Variants in TMEM132B observed in about 807,000 individuals in gnomAD.
TMEM132B encodes transmembrane protein 132B.
A neutral mutation model predicts 90.8 loss-of-function variants in TMEM132B; 18 were observed. The observed-to-expected ratio is 0.20, with a 90% confidence interval of 0.14 to 0.29. The LOEUF (loss-of-function observed/expected upper bound fraction) is 0.29, where lower values mean the gene tolerates loss of function less well. TMEM132B is among the 10% of genes least tolerant of loss of function. The pLI is 1.00. For synonymous variants in TMEM132B, 504 were observed against 523.3 expected (o/e 0.96, Z 0.50); for missense variants, 1,096 against 1,326.8 (o/e 0.83, Z 2.70).
intron 1 of TMEM132B, among the ~76,000 whole-genome samples, chr12:125,304,907 T>C (rs1875921939): frequency 2.0e-5 from 3 of 152,202 alleles, no homozygotes; most frequent in African/African-American, 7.2e-5. Context: ...TGACACATTC[T>C]TAGCATAGCA....
intron 1 of TMEM132B, among the ~76,000 whole-genome samples, chr12:125,206,905 G>A (rs906504050): frequency 2.6e-5 from 4 of 152,206 alleles, no homozygotes; most frequent in African/African-American, 9.7e-5. Context: ...TAACAGTGGT[G>A]AAAATGCAAT....
intron 1 of TMEM132B, among the ~76,000 whole-genome samples, chr12:125,226,815 A>G (rs565500635): frequency 6.6e-6 from 1 of 152,292 alleles, no homozygotes; most frequent in Admixed American, 6.5e-5. Context: ...GGGAAAATCA[A>G]TCTCACCAGG....
intron 1 of TMEM132B, among the ~76,000 whole-genome samples, chr12:125,223,789 A>T (rs1398028124): frequency 6.6e-6 from 1 of 150,472 alleles, no homozygotes; most frequent in Non-Finnish European, 1.5e-5. Flanking sequence ...ACTTTGTATA[A>T]TATTTTTTTT....
chr12:125,504,939 A>G (rs544054379), intron 3 of TMEM132B, among the ~76,000 whole-genome samples: 91 of 152,148 alleles, frequency 6.0e-4, no homozygotes, highest in African/African-American at 2.2e-3. Flanking sequence ...TCTGTATACA[A>G]TCTCTGCCCA....
chr12:125,204,982 T>G (rs1593040636), intron 1 of TMEM132B, among the ~76,000 whole-genome samples: 1 of 107,520 alleles, frequency 9.3e-6, no homozygotes, highest in Non-Finnish European at 1.9e-5. Flanking sequence ...TACCAGGCAC[T>G]GTGCTTAGCT....
intron 6 of TMEM132B, among the ~76,000 whole-genome samples, chr12:125,645,765 G>A (rs1269556200): frequency 6.6e-6 from 1 of 152,176 alleles, no homozygotes; most frequent in Non-Finnish European, 1.5e-5. Context: ...GAGTGTGTTG[G>A]TGTGGGCATT....
chr12:125,487,734 G>A (rs1882238736), intron 3 of TMEM132B, among the ~76,000 whole-genome samples: 1 of 152,154 alleles, frequency 6.6e-6, no homozygotes, highest in African/African-American at 2.4e-5. Flanking sequence ...GAAATGGCGA[G>A]GTGAACATCG....
At chr12:125,317,004 C>G (rs140535712) in intron 1 of TMEM132B, among the ~76,000 whole-genome samples, 2 of 152,294 alleles carry the variant, frequency 1.3e-5, no homozygotes, top group East Asian at 3.9e-4. Flanking sequence ...ACCTCTTGTT[C>G]CTGGCAGGGT....
chr12:125,275,449 C>T (rs1874962589), intron 1 of TMEM132B, among the ~76,000 whole-genome samples: 1 of 152,132 alleles, frequency 6.6e-6, no homozygotes, highest in Non-Finnish European at 1.5e-5. Context: ...GTCCCTTGCC[C>T]TTGATGGAGA....
Position 125,505,187 on chromosome 12 carries a change from A to AAAC in TMEM132B, c.1107-14250_1107-14249insCAA, listed in dbSNP as rs1555254115. ...AGGACAAAAAAAAAAAAAAAAAAAA[A>AAAC]AAAAAAAACAGTAAGTGGGGACTTG... On this transcript the variant is annotated intron_variant, in intron 3 of 8. Transcript: ENST00000682704. Among the ~76,000 whole-genome samples, 5 of 147,444 alleles carry AAAC rather than the reference A, an allele frequency of 3.4e-5. No individual in the cohort carries two copies. In the East Asian group the frequency reaches 7.8e-4, roughly 23 times the overall value.
At chr12:125,297,369 G>T (rs1875697972) in intron 1 of TMEM132B, among the ~76,000 whole-genome samples, 1 of 152,224 alleles carries the variant, frequency 6.6e-6, no homozygotes, top group Admixed American at 6.5e-5. Context: ...TTGGCCCACT[G>T]TCACCAGAAG....
chr12:125,532,913 A>G lies in TMEM132B; in HGVS notation c.1293+13288A>G, dbSNP rs559889888. Among the ~76,000 whole-genome samples the G allele has an allele frequency of 2.6e-5, 4 of 152,272 alleles. No homozygotes were observed. In the South Asian group the frequency reaches 8.3e-4, roughly 32 times the overall value. The stretch of plus-strand genomic sequence containing the variant: ...GTATCACAGTTTGGGGGTTGTGAAT[A>G]TGCAGGCTGTCTCTGAGCACTTTGA... On this transcript the variant is annotated intron_variant, in intron 4 of 8. Transcript: ENST00000682704.
chr12:125,400,293 A>T (rs539147927), intron 2 of TMEM132B, among the ~76,000 whole-genome samples: 1 of 152,340 alleles, frequency 6.6e-6, no homozygotes, highest in African/African-American at 2.4e-5. Context: ...ATGAGACGGG[A>T]GAGTGGCAAT....
chr12:125,202,636 T>A (rs1465331579), intron 1 of TMEM132B, among the ~76,000 whole-genome samples: 1 of 152,212 alleles, frequency 6.6e-6, no homozygotes, highest in East Asian at 1.9e-4. Flanking sequence ...TGAGTAACAA[T>A]CTCTGATCAC....
intron 4 of TMEM132B, among the ~76,000 whole-genome samples, chr12:125,542,694 T>C (rs1464957970): frequency 6.6e-6 from 1 of 152,264 alleles, no homozygotes; most frequent in Admixed American, 6.5e-5. Context: ...TATTCCATTA[T>C]ATGTGAGTAG....
At position 125,626,219 on chromosome 12, in the gene TMEM132B, TTATA is replaced by T. The variant is rs571063952; in HGVS notation, c.1438-17853_1438-17850del. 9.1e-4 allele frequency among the ~76,000 whole-genome samples: 138 copies of T among 152,282 alleles called. 2 individuals carry two copies. In the South Asian group the frequency reaches 0.02, roughly 22 times the overall value. On this transcript the variant is annotated intron_variant, in intron 5 of 8. Coordinates refer to ENST00000682704, the MANE Select transcript of TMEM132B (RefSeq NM_001366854.1). The stretch of plus-strand genomic sequence containing the variant: ...CCTGAAGGACTTTCTTTAATATGTC[TTATA>T]TATTCCTTTTGGTTTTCACCAGTTT...
intron 3 of TMEM132B, among the ~76,000 whole-genome samples, chr12:125,432,222 G>T (rs1178821935): frequency 3.3e-5 from 5 of 151,524 alleles, no homozygotes; most frequent in Non-Finnish European, 5.9e-5. Context: ...GCTGGTTATA[G>T]CTCTGGCATT....
intron 5 of TMEM132B, among the ~76,000 whole-genome samples, chr12:125,630,179 C>T (rs1335610499): frequency 1.3e-5 from 2 of 152,038 alleles, no homozygotes; most frequent in Non-Finnish European, 2.9e-5. Context: ...ATTCCCTCCT[C>T]CTCTGTTTTT....
intron 5 of TMEM132B, among the ~76,000 whole-genome samples, chr12:125,625,723 C>A (rs771218199): frequency 6.6e-6 from 1 of 152,136 alleles, no homozygotes; most frequent in Non-Finnish European, 1.5e-5. Context: ...TAATAAATTG[C>A]CAGACTGTTT....
Sources: allele counts gnomAD v4.1 joint callset (sites outside exome capture counted in the v4.1 genomes callset), GRCh38; gene constraint gnomAD v4.1.1; transcripts MANE v1.5; gene names NCBI Gene and HGNC (gene_info 2026-07-23, HGNC 2026-07-21).